Variants in SBF2 observed in about 807,000 individuals in gnomAD.
The protein encoded by SBF2 is myotubularin-related protein 13.
SBF2 carries 112 observed loss-of-function variants against 225.2 expected under a neutral mutation model. That is an observed-to-expected ratio of 0.50 (90% confidence interval 0.43 to 0.58). The LOEUF (loss-of-function observed/expected upper bound fraction) is 0.58. Among genes scored for constraint, SBF2 ranks in the 20% least tolerant of loss-of-function variants. The pLI is 0.00. For missense variants in SBF2, 1,996 were observed against 2,206.2 expected, an observed-to-expected ratio of 0.90 and a Z score of 1.91; for synonymous variants, 763 against 773.3, an observed-to-expected ratio of 0.99 and a Z score of 0.22.
intron 1 of SBF2, among the ~76,000 whole-genome samples, chr11:10,260,472 T>G (rs1961315993): frequency 6.6e-6 from 1 of 151,870 alleles, no homozygotes; most frequent in Non-Finnish European, 1.5e-5. Flanking sequence ...ATCCTAGCAC[T>G]TTGGGAGGCC....
chr11:10,228,679 C>T (rs1205961611), intron 1 of SBF2, among the ~76,000 whole-genome samples: 2 of 152,150 alleles, frequency 1.3e-5, no homozygotes, highest in Non-Finnish European at 2.9e-5. Flanking sequence ...CCCACTTGAT[C>T]GTGGTGGATA....
At chr11:10,251,351 T>TA (rs1960327913) in intron 1 of SBF2, among the ~76,000 whole-genome samples, 1 of 152,216 alleles carries the variant, frequency 6.6e-6, no homozygotes, top group Non-Finnish European at 1.5e-5. Flanking sequence ...TCCCTCATAA[T>TA]AGACTCTATA....
At chr11:9,805,732 C>T (rs1290135786) in intron 32 of SBF2, among the ~76,000 whole-genome samples, 1 of 152,158 alleles carries the variant, frequency 6.6e-6, no homozygotes, top group Non-Finnish European at 1.5e-5. Context: ...AAGCGATTCT[C>T]CTGCTTCAGC....
intron 17 of SBF2, among the ~76,000 whole-genome samples, chr11:9,886,543 T>TC (rs1212238234): frequency 6.6e-6 from 1 of 151,306 alleles, no homozygotes; most frequent in Non-Finnish European, 1.5e-5. Context: ...CTGTAGTTCT[T>TC]TGGTTTTAGT....
intron 17 of SBF2, among the ~76,000 whole-genome samples, chr11:9,885,356 C>T (rs1219875506): frequency 6.8e-6 from 1 of 147,330 alleles, no homozygotes; most frequent in African/African-American, 2.5e-5. Flanking sequence ...TGGCTCATGA[C>T]GAACTCTTCA....
chr11:9,872,952 A>T, intron 17 of SBF2, among the ~76,000 whole-genome samples: 1 of 152,164 alleles, frequency 6.6e-6, no homozygotes, highest in Non-Finnish European at 1.5e-5. Context: ...TGTAATCTTT[A>T]TATTTCTGAA....
At chr11:9,928,357 A>G (rs1037658562) in intron 16 of SBF2, among the ~76,000 whole-genome samples, 2 of 152,234 alleles carry the variant, frequency 1.3e-5, no homozygotes, top group Admixed American at 1.3e-4. Flanking sequence ...GATGTCCAAT[A>G]TCATCAGTCA....
chr11:9,818,201 T>G lies in SBF2; in HGVS notation c.3794-1177A>C, dbSNP rs143609827. ...CTCAGGTGATCTGCCTGCCTCAGCCTCCCAAAGTGCTGGGATTACAGGCAT... is the reference window on the plus strand; with the variant it reads ...CTCAGGTGATCTGCCTGCCTCAGCCGCCCAAAGTGCTGGGATTACAGGCAT... On this transcript the variant is annotated intron_variant, in intron 28 of 39. Coordinates refer to ENST00000256190, the MANE Select transcript of SBF2 (RefSeq NM_030962.4). 4.2e-3 allele frequency among the ~76,000 whole-genome samples: 640 copies of G among 152,230 alleles called. 4 individuals are homozygous for G. Among genetic ancestry groups the G allele is most frequent in the African/African-American group, 0.014 (594 of 41,538 alleles).
At chr11:9,981,412 C>T (rs1946953629) in intron 13 of SBF2, among the ~76,000 whole-genome samples, 2 of 152,086 alleles carry the variant, frequency 1.3e-5, no homozygotes, top group Admixed American at 1.3e-4. Context: ...ACACACTAAG[C>T]CCAGCTAACA....
At chr11:10,179,587 G>A (rs1222653380) in intron 2 of SBF2, among the ~76,000 whole-genome samples, 1 of 152,044 alleles carries the variant, frequency 6.6e-6, no homozygotes, top group Non-Finnish European at 1.5e-5. Flanking sequence ...TGAACTTTCT[G>A]TCTCGATCTG....
chr11:10,182,627 C>T (rs969655210), intron 2 of SBF2, among the ~76,000 whole-genome samples: 1 of 152,104 alleles, frequency 6.6e-6, no homozygotes, highest in African/African-American at 2.4e-5. Context: ...AATCTCGGCT[C>T]ACTGCAATCT....
chr11:9,896,250 G>C (rs1027204529), intron 16 of SBF2, among the ~76,000 whole-genome samples: 2 of 152,188 alleles, frequency 1.3e-5, no homozygotes, highest in African/African-American at 4.8e-5. Context: ...TAAGGTAAAA[G>C]TATATTTGAG....
At chr11:9,837,135 T>C (rs1855777489) in intron 26 of SBF2, among the ~76,000 whole-genome samples, 1 of 152,158 alleles carries the variant, frequency 6.6e-6, no homozygotes, top group Admixed American at 6.5e-5. Context: ...TGAATAGAAA[T>C]GGTGATAATG....
chr11:10,098,486 A>AC (rs913971746), intron 2 of SBF2, among the ~76,000 whole-genome samples: 11 of 151,752 alleles, frequency 7.2e-5, no homozygotes, highest in African/African-American at 2.7e-4. Context: ...AAAAAAAAAA[A>AC]AACAAAGAAA....
At chr11:9,799,103 A>G (rs1853325945) in intron 32 of SBF2, among the ~76,000 whole-genome samples, 1 of 152,184 alleles carries the variant, frequency 6.6e-6, no homozygotes, top group Non-Finnish European at 1.5e-5. Context: ...TCTACTCAGG[A>G]ATACAATTTT....
chr11:10,079,734 C>CCGGAATTTA (rs1162008197), intron 2 of SBF2, among the ~76,000 whole-genome samples: 1 of 152,046 alleles, frequency 6.6e-6, no homozygotes, highest in East Asian at 1.9e-4. Context: ...ACAAGAGGCT[C>CCGGAATTTA]CATGAACTCC....
intron 28 of SBF2, among the ~76,000 whole-genome samples, chr11:9,820,701 T>C (rs1157081806): frequency 6.6e-6 from 1 of 152,214 alleles, no homozygotes; most frequent in East Asian, 1.9e-4. Context: ...GCTCCCAAGC[T>C]GAGGAGCTCT....
chr11:10,045,562 G>A (rs1273583800), intron 2 of SBF2, among the ~76,000 whole-genome samples: 1 of 152,214 alleles, frequency 6.6e-6, no homozygotes, highest in Non-Finnish European at 1.5e-5. Context: ...CACACAACCT[G>A]TGCCAGGACT....
At chr11:9,866,049 C>CG (rs1858194236) in intron 17 of SBF2, among the ~76,000 whole-genome samples, 1 of 152,170 alleles carries the variant, frequency 6.6e-6, no homozygotes, top group South Asian at 2.1e-4. Flanking sequence ...GTACTTGACA[C>CG]GGGTCCCAGT....
Sources: allele counts gnomAD v4.1 joint callset (sites outside exome capture counted in the v4.1 genomes callset), GRCh38; gene constraint gnomAD v4.1.1; transcripts MANE v1.5; gene names NCBI Gene and HGNC (gene_info 2026-07-23, HGNC 2026-07-21).